HADHA: variants seen among roughly 807,000 people sequenced by gnomAD.
The protein encoded by HADHA is hydroxyacyl-CoA dehydrogenase trifunctional multienzyme complex subunit alpha, also known as trifunctional enzyme subunit alpha, mitochondrial.
In HADHA, 59 loss-of-function variants were observed where a neutral mutation model predicts 91.3. The ratio of observed to expected loss-of-function variants is 0.65; its 90% CI spans 0.52 to 0.80. The LOEUF (loss-of-function observed/expected upper bound fraction) is 0.80, where lower values mean the gene tolerates loss of function less well. Among genes scored for constraint, HADHA ranks in the 30% least tolerant of loss-of-function variants. The pLI is 0.00. For synonymous variants in HADHA, 320 were observed against 338.9 expected, an observed-to-expected ratio of 0.94 and a Z score of 0.61; for missense variants, 800 against 927.6, an observed-to-expected ratio of 0.86 and a Z score of 1.79.
chr2:26,202,069 G>A (rs1222788876), intron 12 of HADHA, among the ~76,000 whole-genome samples: 4 of 151,970 alleles, frequency 2.6e-5, no homozygotes, highest in Non-Finnish European at 5.9e-5. Context: ...AAAGTGTTGG[G>A]ATTATAGGCG....
Position 26,197,711 on chromosome 2 carries a change from C to T in HADHA, c.1459G>A (p.Val487Ile). ...SALPISEIAA[V>I]SKRPEKVIGM... is the part of the protein sequence containing the mutation. ...TTTACCTTCTCAGGTCTTTTGCTGA[C>T]AGCAGCGATTTCACTGATTGGGAGA... Residue 487 changes from valine to isoleucine, a missense_variant, in exon 14 of 20, where the codon GTC becomes ATC. Physicochemically the swap from Val to Ile is conservative, Grantham distance 29. Transcript: ENST00000380649. The T allele has an allele frequency of 6.6e-7, 1 of 1,511,990 alleles. No individual in the cohort carries two copies. Among genetic ancestry groups the T allele is most frequent in the Non-Finnish European group, 9.2e-7 (1 of 1,086,442 alleles). The allele number at this position is 1,511,990 out of a possible 1,614,324, so 93.7% of individuals were successfully genotyped here.
At chr2:26,218,215 A>G (rs1670284405) in intron 7 of HADHA, among the ~76,000 whole-genome samples, 1 of 151,772 alleles carries the variant, frequency 6.6e-6, no homozygotes, top group African/African-American at 2.4e-5. Context: ...TAGGAGAATC[A>G]TTTGAACCCG....
At chr2:26,196,234 A>G (rs1209269026) in intron 14 of HADHA, among the ~76,000 whole-genome samples, 3 of 152,192 alleles carry the variant, frequency 2.0e-5, no homozygotes, top group East Asian at 1.9e-4. Context: ...AGGTCTGTCT[A>G]TCTCCAATGC....
intron 16 of HADHA, among the ~76,000 whole-genome samples, chr2:26,194,273 T>C (rs1371146033): frequency 6.6e-6 from 1 of 152,132 alleles, no homozygotes; most frequent in Non-Finnish European, 1.5e-5. Context: ...CTGTTCTGGA[T>C]GGTCCCTGCC....
intron 10 of HADHA, 31 bp from the exon 11 acceptor site, chr2:26,209,920 G>T: frequency 9.3e-7 from 1 of 1,080,218 alleles, no homozygotes. Flanking sequence ...AGAAAAGGTA[G>T]AACTTCACAG....
At chr2:26,193,844 G>C in intron 16 of HADHA, 72 bp from the exon 17 acceptor site, 1 of 1,190,794 alleles carries the variant, frequency 8.4e-7, no homozygotes, top group Non-Finnish European at 1.3e-6. Context: ...CCCTGTACTG[G>C]CTCCAAACAC....
intron 14 of HADHA, among the ~76,000 whole-genome samples, chr2:26,196,652 ACTT>A (rs1266075780): frequency 6.6e-6 from 1 of 152,134 alleles, no homozygotes; most frequent in Non-Finnish European, 1.5e-5. Flanking sequence ...TTTTGGCCTT[ACTT>A]TTAAATGAAT....
chr2:26,236,407 T>G (rs1670760459), intron 4 of HADHA, among the ~76,000 whole-genome samples: 1 of 126,232 alleles, frequency 7.9e-6, no homozygotes, highest in Non-Finnish European at 1.7e-5. Flanking sequence ...TGTGTGTGTG[T>G]GTGTGTGTGT....
At position 26,194,563 on chromosome 2, in the gene HADHA, T is replaced by C. The variant is rs1669607891; in HGVS notation, c.1689+7A>G. The stretch of plus-strand genomic sequence containing the variant: ...ATGCCGCAAACACTCTGGAGAGCAA[T>C]ACCAACCTGGAGGATTCGGATGACT... On this transcript the variant is annotated splice_region_variant and intron_variant, in intron 16 of 19. Coordinates refer to ENST00000380649, the MANE Select transcript of HADHA (RefSeq NM_000182.5). 1.3e-6 allele frequency: 2 copies of C among 1,582,324 alleles called. No individual in the cohort carries two copies. Among genetic ancestry groups the C allele is most frequent in the Non-Finnish European group, 1.7e-6 (2 of 1,151,076 alleles).
intron 7 of HADHA, among the ~76,000 whole-genome samples, chr2:26,220,362 A>C (rs1387814502): frequency 2.0e-5 from 3 of 152,234 alleles, no homozygotes; most frequent in Non-Finnish European, 4.4e-5. Flanking sequence ...GGCCAAGTAA[A>C]AGCCACTAAA....
chr2:26,194,777 C>A, intron 15 of HADHA, 139 bp from the exon 16 acceptor site: 1 of 732,050 alleles, frequency 1.4e-6, no homozygotes, highest in South Asian at 1.5e-5. Context: ...CAATCAGAAT[C>A]CTTAAAAATG....
At chr2:26,237,443 A>G (rs1167036154) in intron 3 of HADHA, among the ~76,000 whole-genome samples, 1 of 152,206 alleles carries the variant, frequency 6.6e-6, no homozygotes, top group Non-Finnish European at 1.5e-5. Context: ...CCTGGGCAAC[A>G]TAATGGAACC....
intron 7 of HADHA, among the ~76,000 whole-genome samples, chr2:26,222,325 GTTGT>G (rs1010692510): frequency 6.6e-6 from 1 of 152,212 alleles, no homozygotes; most frequent in African/African-American, 2.4e-5. Context: ...TTAAGTTTCT[GTTGT>G]TTAAGCCACT....
At chr2:26,241,281 T>G (rs1175860020) in intron 1 of HADHA, among the ~76,000 whole-genome samples, 6 of 151,998 alleles carry the variant, frequency 3.9e-5, no homozygotes, top group Non-Finnish European at 7.4e-5. Context: ...GATTCAACAC[T>G]GGGAGAAGCG....
chr2:26,219,020 AAAAG>A (rs1165725436), intron 7 of HADHA, among the ~76,000 whole-genome samples: 2 of 150,898 alleles, frequency 1.3e-5, no homozygotes, highest in Admixed American at 6.6e-5. Context: ...AAAAAAAAAA[AAAAG>A]AAAGAAAGAA....
At chr2:26,226,273 G>C (rs1670482755) in intron 7 of HADHA, among the ~76,000 whole-genome samples, 1 of 152,086 alleles carries the variant, frequency 6.6e-6, no homozygotes, top group South Asian at 2.1e-4. Flanking sequence ...CTGACTCAAT[G>C]CAATTCCAAT....
At chr2:26,219,009 A>AG (rs1455705262) in intron 7 of HADHA, among the ~76,000 whole-genome samples, 1 of 149,534 alleles carries the variant, frequency 6.7e-6, no homozygotes, top group Non-Finnish European at 1.5e-5. Context: ...TCCGTCTCAA[A>AG]AAAAAAAAAA....
Position 26,190,887 on chromosome 2 carries a change from T to C in HADHA, c.*363A>G. On this transcript the variant is annotated 3_prime_UTR_variant, in exon 20 of 20. Transcript: ENST00000380649. ...GCAAAGATGCTGACACAGAGTTTGG[T>C]TTTTATTGTTATGTGTTTGGCTGGG... The C allele has an allele frequency of 2.8e-6, 1 of 355,888 alleles. No individual in the cohort carries two copies. Among genetic ancestry groups the C allele is most frequent in the South Asian group, 3.1e-5 (1 of 32,102 alleles). 22.0% of individuals were successfully genotyped at this position (355,888 alleles called of 1,614,324 possible). A position where few individuals can be genotyped will look rare whatever the true frequency, so the allele number is the denominator to read the frequency against.
intron 4 of HADHA, among the ~76,000 whole-genome samples, chr2:26,235,825 C>T (rs1670733979): frequency 6.6e-6 from 1 of 152,222 alleles, no homozygotes; most frequent in Non-Finnish European, 1.5e-5. Context: ...CATTTCCCCT[C>T]CTTATGTATG....
Sources: allele counts gnomAD v4.1 joint callset (sites outside exome capture counted in the v4.1 genomes callset), GRCh38; gene constraint gnomAD v4.1.1; transcripts MANE v1.5; gene names NCBI Gene and HGNC (gene_info 2026-07-23, HGNC 2026-07-21).